JAZF1: variants seen among roughly 807,000 people sequenced by gnomAD.
The protein encoded by JAZF1 is JAZF zinc finger 1, also known as juxtaposed with another zinc finger protein 1.
JAZF1 carries 8 observed loss-of-function variants against 26.4 expected under a neutral mutation model. The observed-to-expected ratio is 0.30, with a 90% confidence interval of 0.18 to 0.55. The LOEUF is 0.55. Among genes scored for constraint, JAZF1 ranks in the 20% least tolerant of loss-of-function variants. The pLI, the probability that JAZF1 is intolerant of heterozygous loss-of-function variation, is 0.94. For missense variants in JAZF1, 199 were observed against 322.0 expected (o/e 0.62, Z 2.92); for synonymous variants, 126 against 122.3 (o/e 1.03, Z -0.20).
intron 2 of JAZF1, among the ~76,000 whole-genome samples, chr7:27,972,204 G>C (rs1354965870): frequency 2.0e-5 from 3 of 152,234 alleles, no homozygotes; most frequent in Non-Finnish European, 4.4e-5. Flanking sequence ...GAAGAGAAGA[G>C]TAAGGGCACA....
intron 1 of JAZF1, among the ~76,000 whole-genome samples, chr7:28,092,922 T>C (rs1369950072): frequency 6.6e-6 from 1 of 152,126 alleles, no homozygotes; most frequent in Non-Finnish European, 1.5e-5. Context: ...TTTCCATTCA[T>C]AGACAAATAA....
Position 27,993,495 on chromosome 7 carries a change from T to C in JAZF1, c.116-1514A>G, listed in dbSNP as rs144240772. On this transcript the variant is annotated intron_variant, in intron 1 of 4. Transcript: ENST00000283928. ...TTAAATTTGCTGTAATCCCAACATA[T>C]ATCCATGCTTCTGAGAGAAAGATAC... 5.3e-4 allele frequency among the ~76,000 whole-genome samples: 81 copies of C among 152,264 alleles called. 1 individual carries two copies. In the East Asian group the frequency reaches 0.014, roughly 25 times the overall value.
intron 1 of JAZF1, among the ~76,000 whole-genome samples, chr7:28,011,680 GACCCAGAGATCAA>G (rs1782802573): frequency 6.6e-6 from 1 of 152,092 alleles, no homozygotes; most frequent in African/African-American, 2.4e-5. Flanking sequence ...ACAACATAGT[GACCCAGAGATCAA>G]ATCAAACCTA....
intron 3 of JAZF1, among the ~76,000 whole-genome samples, chr7:27,851,716 G>A (rs553652923): frequency 1.3e-4 from 20 of 152,072 alleles, no homozygotes; most frequent in Admixed American, 3.3e-4. Flanking sequence ...ACCAAAAAAC[G>A]AATCACACCA....
At chr7:28,123,402 C>CTG (rs1365309140) in intron 1 of JAZF1, among the ~76,000 whole-genome samples, 1 of 152,200 alleles carries the variant, frequency 6.6e-6, no homozygotes, top group African/African-American at 2.4e-5. Flanking sequence ...ACTGGTAGAA[C>CTG]TGTGATATGA....
chr7:27,927,780 T>C (rs1292193674), intron 2 of JAZF1, among the ~76,000 whole-genome samples: 1 of 152,164 alleles, frequency 6.6e-6, no homozygotes. Flanking sequence ...GTAATGCTGT[T>C]TGGGTAAGGA....
chr7:27,968,297 A>C (rs1486977878), intron 2 of JAZF1, among the ~76,000 whole-genome samples: 1 of 152,194 alleles, frequency 6.6e-6, no homozygotes, highest in Admixed American at 6.5e-5. Flanking sequence ...TCACAGTCAC[A>C]TAATAAACTT....
Position 28,155,054 on chromosome 7 carries a change from G to A in JAZF1, c.115+25409C>T, listed in dbSNP as rs779480122. Among the ~76,000 whole-genome samples, 87 of 152,212 alleles carry A rather than the reference G, an allele frequency of 5.7e-4. 1 individual carries two copies. Among genetic ancestry groups the A allele is most frequent in the Middle Eastern group, 6.8e-3 (2 of 294 alleles). ...ATTGGCTTGCGGTTTACTAAATTTG[G>A]TTGCAAGTACTTTTCCCCACCAAAC... On this transcript the variant is annotated intron_variant, in intron 1 of 4. Transcript: ENST00000283928.
chr7:28,003,667 C>T (rs959935896), intron 1 of JAZF1, among the ~76,000 whole-genome samples: 1 of 152,138 alleles, frequency 6.6e-6, no homozygotes, highest in Admixed American at 6.5e-5. Context: ...CCATTTGTTC[C>T]TCTCCATTTC....
At chr7:27,900,258 G>A (rs1180409962) in intron 2 of JAZF1, among the ~76,000 whole-genome samples, 1 of 152,178 alleles carries the variant, frequency 6.6e-6, no homozygotes, top group East Asian at 1.9e-4. Context: ...TGAGTCTGTT[G>A]TTAAACACAG....
intron 1 of JAZF1, among the ~76,000 whole-genome samples, chr7:28,173,911 G>A (rs113598422): frequency 0.096 from 13,815 of 144,054 alleles, 987 homozygotes; most frequent in Non-Finnish European, 0.14. Context: ...AAAAAAGTAG[G>A]TGAAAACTAC....
intron 4 of JAZF1, among the ~76,000 whole-genome samples, chr7:27,838,811 CT>C (rs751102741): frequency 2.0e-5 from 3 of 152,156 alleles, no homozygotes; most frequent in Non-Finnish European, 4.4e-5. Context: ...GTATCATGAC[CT>C]GGCATTCTGG....
At chr7:28,174,792 G>C (rs533425264) in intron 1 of JAZF1, among the ~76,000 whole-genome samples, 1 of 84,590 alleles carries the variant, frequency 1.2e-5, no homozygotes, top group East Asian at 2.0e-4. Flanking sequence ...CAGATTTCGG[G>C]TTCCCTGATC....
At chr7:27,884,255 C>T (rs1783821682) in intron 3 of JAZF1, among the ~76,000 whole-genome samples, 1 of 152,152 alleles carries the variant, frequency 6.6e-6, no homozygotes, top group Non-Finnish European at 1.5e-5. Context: ...GCCTCAGCCC[C>T]GAGTAACTGG....
chr7:28,012,856 C>T (rs1331871331), intron 1 of JAZF1, among the ~76,000 whole-genome samples: 3 of 152,208 alleles, frequency 2.0e-5, no homozygotes, highest in Non-Finnish European at 2.9e-5. Flanking sequence ...GTATTTAAAC[C>T]ACGTTTTTTA....
chr7:28,172,915 A>G (rs928898591), intron 1 of JAZF1, among the ~76,000 whole-genome samples: 2 of 152,210 alleles, frequency 1.3e-5, no homozygotes, highest in African/African-American at 4.8e-5. Flanking sequence ...CCCTAGCTAT[A>G]TCTCAAAAGC....
chr7:28,160,571 T>A (rs965911913), intron 1 of JAZF1, among the ~76,000 whole-genome samples: 2 of 152,144 alleles, frequency 1.3e-5, no homozygotes, highest in Non-Finnish European at 2.9e-5. Context: ...TCAGATGCCC[T>A]CGCAGCATTG....
intron 1 of JAZF1, among the ~76,000 whole-genome samples, chr7:28,164,005 T>C (rs760848141): frequency 5.3e-5 from 8 of 152,264 alleles, no homozygotes; most frequent in African/African-American, 9.6e-5. Context: ...ATGATGTGAA[T>C]AGAGGCCTTA....
intron 2 of JAZF1, among the ~76,000 whole-genome samples, chr7:27,946,679 A>G (rs1409593853): frequency 6.6e-6 from 1 of 152,216 alleles, no homozygotes; most frequent in Non-Finnish European, 1.5e-5. Flanking sequence ...CAGAAGGACC[A>G]TAAGTGGGAG....
Sources: allele counts gnomAD v4.1 joint callset (sites outside exome capture counted in the v4.1 genomes callset), GRCh38; gene constraint gnomAD v4.1.1; transcripts MANE v1.5; gene names NCBI Gene and HGNC (gene_info 2026-07-23, HGNC 2026-07-21).